The following NTRK3 variants were observed in gnomAD, a reference collection of about 807,000 sequenced individuals.
NTRK3 encodes NT-3 growth factor receptor.
A neutral mutation model predicts 91.7 loss-of-function variants in NTRK3; 24 were observed. The observed-to-expected ratio is 0.26, with a 90% CI of 0.19 to 0.37. NTRK3 has a LOEUF of 0.37. Among genes scored for constraint, NTRK3 ranks in the 10% least tolerant of loss-of-function variants. The probability of loss-of-function intolerance (pLI) is 1.00; values close to 1 mark genes in which losing one functional copy is unlikely to be tolerated. For missense variants in NTRK3, 880 were observed against 1,068.9 expected (o/e 0.82, Z 2.46); for synonymous variants, 483 against 404.0 (o/e 1.20, Z -2.34).
intron 5 of NTRK3, among the ~76,000 whole-genome samples, chr15:88,149,188 C>T (rs1301824015): frequency 2.6e-5 from 4 of 152,176 alleles, no homozygotes; most frequent in Non-Finnish European, 4.4e-5. Flanking sequence ...ACCAAAGGGA[C>T]ATGGCTTTCC....
intron 5 of NTRK3, among the ~76,000 whole-genome samples, chr15:88,173,804 G>C (rs2045749011): frequency 6.6e-6 from 1 of 152,250 alleles, no homozygotes. Context: ...AGATGGTAGA[G>C]TGGAGGCTCT....
intron 13 of NTRK3, among the ~76,000 whole-genome samples, chr15:88,111,908 G>GTTTTT (rs57625455): frequency 1.9e-4 from 25 of 135,020 alleles, no homozygotes; most frequent in African/African-American, 5.4e-4. Flanking sequence ...TTTTGTTTTT[G>GTTTTT]TTTTTTTTTT....
chr15:87,992,484 C>T (rs1324254401), intron 14 of NTRK3, among the ~76,000 whole-genome samples: 2 of 152,198 alleles, frequency 1.3e-5, no homozygotes, highest in Non-Finnish European at 2.9e-5. Flanking sequence ...TCTCCTCTTA[C>T]CTGGAACTGT....
intron 14 of NTRK3, among the ~76,000 whole-genome samples, chr15:87,960,161 G>A (rs1405855444): frequency 6.6e-6 from 1 of 152,152 alleles, no homozygotes; most frequent in East Asian, 1.9e-4. Flanking sequence ...CCTCGAACAA[G>A]ACTAATCCAG....
rs76606150 is a variant in NTRK3, at chr15:88,015,406, C to T, written c.1585+17451G>A. Among the ~76,000 whole-genome samples, 24 of 152,246 alleles carry T rather than the reference C, an allele frequency of 1.6e-4. No individual in the cohort carries two copies. The East Asian group carries it at 4.6e-3, about 29-fold the overall frequency. Reference sequence around the variant, plus strand: ...CCAGCCCTGCCCCCACCAAACCCTGCCCCCTGTCTGCCTCCTGCTACTGCT... The same window carrying T: ...CCAGCCCTGCCCCCACCAAACCCTGTCCCCTGTCTGCCTCCTGCTACTGCT... On this transcript the variant is annotated intron_variant, in intron 14 of 18. Coordinates refer to ENST00000394480, the Ensembl canonical transcript of NTRK3.
At chr15:87,995,243 G>C (rs1024238843) in intron 14 of NTRK3, among the ~76,000 whole-genome samples, 6 of 152,154 alleles carry the variant, frequency 3.9e-5, no homozygotes, top group African/African-American at 1.4e-4. Flanking sequence ...AGCCCTCACA[G>C]ATCTCACCCC....
intron 13 of NTRK3, among the ~76,000 whole-genome samples, chr15:88,063,572 T>G (rs545794976): frequency 6.6e-5 from 10 of 152,318 alleles, no homozygotes; most frequent in Non-Finnish European, 1.3e-4. Context: ...GGTCCTCACC[T>G]CATGACCCGC....
At chr15:88,120,228 G>A (rs140259517) in intron 13 of NTRK3, among the ~76,000 whole-genome samples, 2 of 152,314 alleles carry the variant, frequency 1.3e-5, no homozygotes, top group East Asian at 3.9e-4. Context: ...TCTTTTGGCA[G>A]GAGCCAGTCC....
chr15:88,157,359 G>A (rs2044009385), intron 5 of NTRK3, among the ~76,000 whole-genome samples: 1 of 151,944 alleles, frequency 6.6e-6, no homozygotes, highest in Non-Finnish European at 1.5e-5. Flanking sequence ...GGTCTGAGGA[G>A]CTCTGCCTCT....
rs1298018263 is a variant in NTRK3 at position 87,876,484 on chromosome 15, G to T, written c.*451C>A. The T allele has an allele frequency of 3.1e-5, 7 of 226,470 alleles. No homozygotes were observed. In the East Asian group the frequency reaches 3.2e-4, roughly 10 times the overall value. The allele number at this position is 226,470 out of a possible 1,614,324, so 14.0% of individuals were successfully genotyped here. The stretch of plus-strand genomic sequence containing the variant: ...CCACCTTAACTCCTCCCGTCCCAGA[G>T]CTCTCATCCCAAAGATTGTCTCTCT... On this transcript the variant is annotated 3_prime_UTR_variant, in exon 19 of 19. Transcript: ENST00000394480.
At position 87,981,495 on chromosome 15, in the gene NTRK3, C is replaced by G. The variant is rs1172296715; in HGVS notation, c.1586-40742G>C. Reference sequence around the variant, plus strand: ...AGGTTTCTCAGCTCCTGTACCCACTCTGCTGTGCCTGTAGTGGCAGCTGGT... The same window carrying G: ...AGGTTTCTCAGCTCCTGTACCCACTGTGCTGTGCCTGTAGTGGCAGCTGGT... On this transcript the variant is annotated intron_variant, in intron 14 of 18. Transcript: ENST00000394480. 6.4e-5 allele frequency: 73 copies of G among 1,136,580 alleles called. 1 individual carries two copies. The highest frequency in any genetic ancestry group is 9.4e-5 in the Non-Finnish European group (72 of 766,130). The allele number at this position is 1,136,580 out of a possible 1,614,324, so 70.4% of individuals were successfully genotyped here. A position where few individuals can be genotyped will look rare whatever the true frequency, so the allele number is the denominator to read the frequency against.
At chr15:88,123,675 C>T (rs764618551) in intron 13 of NTRK3, among the ~76,000 whole-genome samples, 20 of 152,190 alleles carry the variant, frequency 1.3e-4, no homozygotes, top group Non-Finnish European at 2.4e-4. Flanking sequence ...TCAATCAATA[C>T]ATGTAAGATG....
chr15:87,880,183 T>C (rs1209024713), intron 18 of NTRK3, 87 bp downstream of exon 19: 3 of 1,549,628 alleles, frequency 1.9e-6, no homozygotes, highest in Non-Finnish European at 2.7e-6. Context: ...TCCCACCTAA[T>C]GTCTTGTTCA....
intron 14 of NTRK3, among the ~76,000 whole-genome samples, chr15:87,958,310 C>G (rs1458218647): frequency 6.6e-6 from 1 of 152,114 alleles, no homozygotes; most frequent in Non-Finnish European, 1.5e-5. Flanking sequence ...TTCAGCCCAC[C>G]TCAACTCTGA....
chr15:87,904,925 G>A (rs2066671661), intron 17 of NTRK3, among the ~76,000 whole-genome samples: 1 of 152,184 alleles, frequency 6.6e-6, no homozygotes, highest in South Asian at 2.1e-4. Context: ...TCAGATAAGT[G>A]AAAGTGGAGT....
At chr15:88,253,304 C>T (rs1438729181) in intron 3 of NTRK3, 2 of 152,254 alleles carry the variant, frequency 1.3e-5, no homozygotes, top group Non-Finnish European at 2.9e-5. Context: ...CAAGAACTGA[C>T]CCCAGCTGCG....
chr15:87,865,639 T>C (rs909851257), exon 19 of NTRK3: 4 of 218,526 alleles, frequency 1.8e-5, no homozygotes, highest in Non-Finnish European at 3.7e-5. Flanking sequence ...ATAGAGAAAG[T>C]TTCACAGAGT....
At chr15:87,981,591 C>A (rs1441651089) in intron 14 of NTRK3, among the ~76,000 whole-genome samples, 1 of 152,162 alleles carries the variant, frequency 6.6e-6, no homozygotes, top group Non-Finnish European at 1.5e-5. Context: ...AAGTTAGAGT[C>A]AGAGAAGAAA....
chr15:88,229,545 G>T (rs74027913), intron 3 of NTRK3, among the ~76,000 whole-genome samples: 1 of 152,192 alleles, frequency 6.6e-6, no homozygotes, highest in South Asian at 2.1e-4. Flanking sequence ...AGATACCCTG[G>T]TCTGCAACTA....
Sources: gnomAD v4.1 joint callset for allele counts (sites outside exome capture counted in the v4.1 genomes callset) on GRCh38, gnomAD v4.1.1 for gene constraint, MANE v1.5 for transcripts, NCBI Gene and HGNC (gene_info 2026-07-23, HGNC 2026-07-21) for gene names.